Variants in PDZD2 observed in about 807,000 individuals in gnomAD.
PDZD2 encodes the protein PDZ domain-containing protein 2.
PDZD2 carries 90 observed loss-of-function variants against 220.7 expected under a neutral mutation model. The observed-to-expected ratio is 0.41, with a 90% CI of 0.34 to 0.49. PDZD2 has a LOEUF of 0.49. Among genes scored for constraint, PDZD2 ranks in the 20% least tolerant of loss-of-function variants. The pLI is 0.28. For synonymous variants in PDZD2, 1,375 were observed against 1,450.5 expected (o/e 0.95, Z 1.18); for missense variants, 3,174 against 3,608.5 (o/e 0.88, Z 3.08).
chr5:31,999,435 C>G (rs1301140812), intron 4 of PDZD2, among the ~76,000 whole-genome samples: 2 of 151,952 alleles, frequency 1.3e-5, no homozygotes, highest in African/African-American at 4.8e-5. Flanking sequence ...ATCACTTGAG[C>G]CCAGGAGTTC....
intron 7 of PDZD2, among the ~76,000 whole-genome samples, chr5:32,042,931 C>T (rs1490845928): frequency 6.6e-6 from 1 of 152,178 alleles, no homozygotes; most frequent in African/African-American, 2.4e-5. Context: ...CCTCTGAAAC[C>T]AGCGAGGTCA....
chr5:32,001,224 G>A (rs1752079263), intron 5 of PDZD2, among the ~76,000 whole-genome samples: 3 of 152,200 alleles, frequency 2.0e-5, no homozygotes, highest in Admixed American at 2.0e-4. Flanking sequence ...TAAAGAAAAG[G>A]TAAGAATGGT....
At chr5:31,834,981 T>G (rs1341310361) in intron 2 of PDZD2, among the ~76,000 whole-genome samples, 1 of 151,946 alleles carries the variant, frequency 6.6e-6, no homozygotes, top group Non-Finnish European at 1.5e-5. Flanking sequence ...TTAGTTGGTC[T>G]AAATAAGGAG....
intron 2 of PDZD2, among the ~76,000 whole-genome samples, chr5:31,886,188 T>C (rs1211025286): frequency 6.6e-6 from 1 of 152,200 alleles, no homozygotes; most frequent in African/African-American, 2.4e-5. Context: ...CGTGAGCCAC[T>C]GTGCCCAGCC....
At chr5:31,949,412 G>T (rs1241658412) in intron 2 of PDZD2, among the ~76,000 whole-genome samples, 1 of 152,162 alleles carries the variant, frequency 6.6e-6, no homozygotes, top group Non-Finnish European at 1.5e-5. Flanking sequence ...AAGCAGGAAA[G>T]AAATTTAGTG....
At chr5:32,073,614 G>T (rs923183742) in intron 17 of PDZD2, among the ~76,000 whole-genome samples, 2 of 145,252 alleles carry the variant, frequency 1.4e-5, no homozygotes, top group Non-Finnish European at 3.0e-5. Context: ...GGGCGGGGGG[G>T]GTAGGTCAGT....
At chr5:31,976,097 G>T (rs933673543) in intron 2 of PDZD2, among the ~76,000 whole-genome samples, 3 of 152,098 alleles carry the variant, frequency 2.0e-5, no homozygotes, top group Non-Finnish European at 4.4e-5. Context: ...GTCTAGGGAG[G>T]CTTTTGGAAT....
At chr5:31,965,182 AAG>A (rs1649719503) in intron 2 of PDZD2, among the ~76,000 whole-genome samples, 1 of 152,212 alleles carries the variant, frequency 6.6e-6, no homozygotes, top group African/African-American at 2.4e-5. Flanking sequence ...CAAGAAAGAA[AAG>A]AGAAAGCAGA....
At position 31,669,135 on chromosome 5, in the gene PDZD2, C is replaced by T. The variant is rs377301475; in HGVS notation, c.-361+29698C>T. On this transcript the variant is annotated intron_variant, in intron 1 of 24. Transcript: ENST00000438447. The stretch of plus-strand genomic sequence containing the variant: ...TTAACAAATAATTATCCAGGCCATG[C>T]GTGTTGCTTTATGCCTGTAATCCCA... Among the ~76,000 whole-genome samples the T allele has an allele frequency of 7.8e-4, 118 of 151,860 alleles. 2 individuals are homozygous for T. In the South Asian group the frequency reaches 0.023, roughly 29 times the overall value.
chr5:31,946,515 C>T (rs1746649122), intron 2 of PDZD2, among the ~76,000 whole-genome samples: 1 of 152,152 alleles, frequency 6.6e-6, no homozygotes, highest in Non-Finnish European at 1.5e-5. Context: ...GATTGTGCTC[C>T]CCGCCGCCAT....
At chr5:31,729,255 C>T (rs1223928331) in intron 1 of PDZD2, among the ~76,000 whole-genome samples, 1 of 151,982 alleles carries the variant, frequency 6.6e-6, no homozygotes, top group African/African-American at 2.4e-5. Flanking sequence ...CGCCACTACA[C>T]CCGGCTAATT....
intron 6 of PDZD2, among the ~76,000 whole-genome samples, chr5:32,030,351 C>G (rs10076506): frequency 0.03 from 4,616 of 152,330 alleles, 225 homozygotes; most frequent in African/African-American, 0.11. Context: ...GCTAATACCT[C>G]TGCCGCCTCT....
At chr5:31,689,907 T>C (rs150839454) in intron 1 of PDZD2, among the ~76,000 whole-genome samples, 4 of 152,288 alleles carry the variant, frequency 2.6e-5, no homozygotes, top group Non-Finnish European at 5.9e-5. Context: ...GGCTTCAAAG[T>C]CCTTCCTTAG....
intron 2 of PDZD2, among the ~76,000 whole-genome samples, chr5:31,982,531 C>T (rs1338402284): frequency 1.3e-5 from 2 of 152,286 alleles, no homozygotes; most frequent in East Asian, 3.9e-4. Context: ...TGGTCTCAAA[C>T]CCCTGGACTC....
chr5:32,033,500 T>C (rs776894125), intron 6 of PDZD2, among the ~76,000 whole-genome samples: 6 of 152,326 alleles, frequency 3.9e-5, no homozygotes, highest in Non-Finnish European at 5.9e-5. Context: ...GGTTCTGAAA[T>C]AAGATGTCAC....
At chr5:31,721,756 G>A (rs1239292363) in intron 1 of PDZD2, among the ~76,000 whole-genome samples, 1 of 150,412 alleles carries the variant, frequency 6.6e-6, no homozygotes, top group East Asian at 1.9e-4. Flanking sequence ...AAAAAAATGA[G>A]TCTTAGCAGT....
intron 1 of PDZD2, among the ~76,000 whole-genome samples, chr5:31,648,949 C>T (rs1250028482): frequency 6.6e-6 from 1 of 152,082 alleles, no homozygotes; most frequent in Non-Finnish European, 1.5e-5. Context: ...TGTCATGTAT[C>T]CACCATTATA....
At chr5:31,761,776 G>A (rs768344532) in intron 1 of PDZD2, among the ~76,000 whole-genome samples, 7 of 151,232 alleles carry the variant, frequency 4.6e-5, no homozygotes, top group South Asian at 2.1e-4. Flanking sequence ...CAGGAGAATC[G>A]CTTGAACCCA....
intron 1 of PDZD2, chr5:31,725,682 A>G (rs1461825463): frequency 1.4e-5 from 14 of 981,656 alleles, no homozygotes; most frequent in Non-Finnish European, 2.0e-5. Flanking sequence ...GTGCTTTGGA[A>G]TCTGTTTTTA....
Sources: allele counts gnomAD v4.1 joint callset (sites outside exome capture counted in the v4.1 genomes callset), GRCh38; gene constraint gnomAD v4.1.1; transcripts MANE v1.5; gene names NCBI Gene and HGNC (gene_info 2026-07-23, HGNC 2026-07-21).